The following SALL4 variants were observed in gnomAD, a reference collection of about 807,000 sequenced individuals.
SALL4 encodes sal-like protein 4.
Under a neutral mutation model 60.8 loss-of-function variants are expected in SALL4, and 4 were observed. The observed-to-expected ratio is 0.07, with a 90% CI of 0.03 to 0.15. SALL4 has a LOEUF of 0.15. SALL4 is among the 10% of genes least tolerant of loss of function. The pLI, the probability that SALL4 is intolerant of heterozygous loss-of-function variation, is 1.00. For synonymous variants in SALL4, 580 were observed against 574.9 expected, an observed-to-expected ratio of 1.01 and a Z score of -0.13; for missense variants, 1,178 against 1,394.7, an observed-to-expected ratio of 0.84 and a Z score of 2.48.
chr20:51,784,857 C>A (rs2077981108), intron 3 of SALL4, among the ~76,000 whole-genome samples, 173 bp from the exon 4 acceptor site: 1 of 152,184 alleles, frequency 6.6e-6, no homozygotes, highest in Non-Finnish European at 1.5e-5. Context: ...AGAAAATATT[C>A]TTAGTCTAAA....
rs963754230 is a variant in SALL4, at chr20:51,799,672, G to A, written c.130+2607C>T. Among the ~76,000 whole-genome samples, 13 of 152,320 alleles carry A rather than the reference G, an allele frequency of 8.5e-5. No individual in the cohort carries two copies. The East Asian group carries it at 2.1e-3, about 25-fold the overall frequency. Reference sequence around the variant, plus strand: ...TTCTAAGCCAGCGTAGGTCATTTTGGTGAGTAATTGGAAATAGGAAGTTAT... The same window carrying A: ...TTCTAAGCCAGCGTAGGTCATTTTGATGAGTAATTGGAAATAGGAAGTTAT... On this transcript the variant is annotated intron_variant, in intron 1 of 3. Transcript: ENST00000217086.
intron 3 of SALL4, among the ~76,000 whole-genome samples, chr20:51,786,858 G>T (rs2077996128): frequency 6.6e-6 from 1 of 152,072 alleles, no homozygotes; most frequent in Non-Finnish European, 1.5e-5. Context: ...ACTTTGGGAG[G>T]CTGAGGCAGG....
chr20:51,791,563 G>A lies in SALL4; in HGVS notation c.920C>T (p.Ser307Phe). The change falls in exon 2 of 4, where the codon TCC becomes TTC. Residue 307 changes from serine (S) to phenylalanine (F), a missense_variant. By Grantham distance (155) the Ser-to-Phe change is radical. Around this residue, in one of 5 missense-constraint regions of SALL4, gnomAD observed 853 missense variants for 1,036.8 expected, o/e 0.82. Coordinates refer to ENST00000217086, the MANE Select transcript of SALL4 (RefSeq NM_020436.5). The surrounding 1 kb of genome is among the most constrained non-coding windows in gnomAD (Gnocchi z 4.6). Reference sequence around the variant, plus strand: ...CAGAGTGAAGGGTGCCAGCCCTGGGGACAGGGAGCTGGTGGCAGAAGGGAT... The same window carrying A: ...CAGAGTGAAGGGTGCCAGCCCTGGGAACAGGGAGCTGGTGGCAGAAGGGAT... ...ANIPSATSSL[S>F]PGLAPFTLKP... The A allele has an allele frequency of 6.2e-7, 1 of 1,613,724 alleles. No individual in the cohort carries two copies. Among genetic ancestry groups the A allele is most frequent in the Non-Finnish European group, 8.5e-7 (1 of 1,180,048 alleles).
Position 51,790,785 on chromosome 20 carries a change from G to T in SALL4, c.1698C>A (p.Asn566Lys). ...ENIDKATTDP[N>K]ECLICHRVLS... Reference sequence around the variant, plus strand: ...AGACTCGGTGGCAAATGAGACATTCGTTGGGATCAGTGGTGGCCTTGTCAA... The same window carrying T: ...AGACTCGGTGGCAAATGAGACATTCTTTGGGATCAGTGGTGGCCTTGTCAA... The change falls in exon 2 of 4, where the codon AAC becomes AAA. Residue 566 changes from asparagine to lysine, a missense_variant. Asn to Lys is a moderately conservative substitution (Grantham distance 94). Transcript: ENST00000217086. The surrounding 1 kb of genome is among the most constrained non-coding windows in gnomAD (Gnocchi z 5.5). 6.2e-7 allele frequency: 1 copy of T among 1,614,120 alleles called. No homozygotes were observed. The highest frequency in any genetic ancestry group is 8.5e-7 in the Non-Finnish European group (1 of 1,180,034).
intron 3 of SALL4, among the ~76,000 whole-genome samples, chr20:51,787,798 C>T (rs538806653): frequency 2.0e-5 from 3 of 152,016 alleles, no homozygotes; most frequent in South Asian, 2.1e-4. Flanking sequence ...TGAGCCACTG[C>T]GTCCGGCCCT....
intron 1 of SALL4, among the ~76,000 whole-genome samples, chr20:51,794,178 G>A (rs566329604): frequency 2.0e-5 from 3 of 152,216 alleles, no homozygotes; most frequent in African/African-American, 7.2e-5. Context: ...TGCAAAGCAG[G>A]GGTTGGGGAC....
At chr20:51,796,344 A>G (rs1325681551) in intron 1 of SALL4, among the ~76,000 whole-genome samples, 1 of 152,164 alleles carries the variant, frequency 6.6e-6, no homozygotes, top group Non-Finnish European at 1.5e-5. Context: ...GAACAAAAAC[A>G]TACTTCATAC....
Position 51,792,167 on chromosome 20 carries a change from T to C in SALL4, c.316A>G (p.Ser106Gly). 1 of 1,614,232 alleles carries C rather than the reference T, an allele frequency of 6.2e-7. No homozygotes were observed. Among genetic ancestry groups the C allele is most frequent in the South Asian group, 1.1e-5 (1 of 91,086 alleles). Reference sequence around the variant, plus strand: ...TCTTCTGAAGGCACAGGCCCCTCGCTGTCATTCATGATGAGGACAGGTGGA... The same window carrying C: ...TCTTCTGAAGGCACAGGCCCCTCGCCGTCATTCATGATGAGGACAGGTGGA... ...KNPPVLIMND[S>G]EGPVPSEDFS... The change falls in exon 2 of 4, where the codon AGC becomes GGC. Residue 106 changes from serine to glycine, a missense_variant. Coordinates refer to ENST00000217086, the MANE Select transcript of SALL4 (RefSeq NM_020436.5).
At chr20:51,787,269 C>T (rs6067937) in intron 3 of SALL4, among the ~76,000 whole-genome samples, 10,807 of 151,816 alleles carry the variant, frequency 0.071, 557 homozygotes, top group African/African-American at 0.14. Context: ...TAAAAATATA[C>T]AAAAATTAGC....
rs1273742269 is a variant in SALL4, at chr20:51,802,466, T to C, written c.-58A>G. 8.1e-6 allele frequency: 13 copies of C among 1,610,576 alleles called. No homozygotes were observed. In the East Asian group the frequency reaches 2.9e-4, roughly 36 times the overall value. ...GTTATTTGCCCTCTCCGCCACAAAT[T>C]CCTGGAGTTGGGAAATTTACCCCCC... On this transcript the variant is annotated 5_prime_UTR_variant, in exon 1 of 4. Transcript: ENST00000217086.
intron 3 of SALL4, 108 bp from the exon 4 acceptor site, chr20:51,784,792 T>C: frequency 2.4e-6 from 3 of 1,266,448 alleles, no homozygotes; most frequent in Middle Eastern, 2.1e-4. Context: ...TGTTTTAACA[T>C]ATAGATGATC....
At chr20:51,794,589 TGAAAA>T (rs2078069124) in intron 1 of SALL4, among the ~76,000 whole-genome samples, 1 of 152,052 alleles carries the variant, frequency 6.6e-6, no homozygotes, top group Non-Finnish European at 1.5e-5. Flanking sequence ...AATAAAGATG[TGAAAA>T]ACAGAGACTC....
rs2078023982 is a variant in SALL4, at chr20:51,790,106, T to C, written c.2377A>G (p.Ser793Gly). ...TTTGACTTGATGCTTTCGGCTTGAC[T>C]ATTGGCCGGGGAGAGTGCCTGGAAG... The part of the protein sequence containing the change: ...TSFQALSPAN[S>G]QAESIKSKSP... Residue 793 changes from serine (S) to glycine (G), a missense_variant, in exon 2 of 4, where the codon AGT becomes GGT. Around this residue, in one of 5 missense-constraint regions of SALL4, gnomAD observed 853 missense variants for 1,036.8 expected, o/e 0.82. Coordinates refer to ENST00000217086, the MANE Select transcript of SALL4 (RefSeq NM_020436.5). The surrounding 1 kb of genome is among the most constrained non-coding windows in gnomAD (Gnocchi z 5.5). 1 of 1,614,088 alleles carries C rather than the reference T, an allele frequency of 6.2e-7. No homozygotes were observed. Among genetic ancestry groups the C allele is most frequent in the Admixed American group, 1.7e-5 (1 of 59,998 alleles).
In SALL4 at chr20:51,783,818, C is replaced by T. The variant is rs1188251017; in HGVS notation, c.*447G>A. On this transcript the variant is annotated 3_prime_UTR_variant, in exon 4 of 4. Coordinates refer to ENST00000217086, the MANE Select transcript of SALL4 (RefSeq NM_020436.5). Reference sequence around the variant, plus strand: ...CGGGTGGATCACGAGGTCAGCAGTTCGAGACCAGCCTGACCAACATGGTGA... The same window carrying T: ...CGGGTGGATCACGAGGTCAGCAGTTTGAGACCAGCCTGACCAACATGGTGA... 2.2e-5 allele frequency: 4 copies of T among 183,996 alleles called. No homozygotes were observed. The highest frequency in any genetic ancestry group is 4.6e-5 in the Non-Finnish European group (4 of 87,452). 11.4% of individuals were successfully genotyped at this position (183,996 alleles called of 1,614,324 possible). A position where few individuals can be genotyped will look rare whatever the true frequency, so the allele number is the denominator to read the frequency against.
chr20:51,792,401 G>C (rs760053086), intron 1 of SALL4, 49 bp from the exon 2 acceptor site: 43 of 1,593,048 alleles, frequency 2.7e-5, no homozygotes, highest in Admixed American at 6.7e-5. Context: ...TAAAAGATGT[G>C]GGGGGAGCCG....
At position 51,793,018 on chromosome 20, in the gene SALL4, A is replaced by G. The variant is rs985832879; in HGVS notation, c.131-666T>C. Reference sequence around the variant, plus strand: ...CACAAGACATTCACACGAGCATACAATGATCTAGGTTTTCTTGTTTTTTCA... The same window carrying G: ...CACAAGACATTCACACGAGCATACAGTGATCTAGGTTTTCTTGTTTTTTCA... On this transcript the variant is annotated intron_variant, in intron 1 of 3. Transcript: ENST00000217086. The G allele has an allele frequency of 4.1e-6, 4 of 977,046 alleles. No individual in the cohort carries two copies. In the African/African-American group the frequency reaches 7.0e-5, roughly 17 times the overall value. 60.5% of individuals were successfully genotyped at this position (977,046 alleles called of 1,614,324 possible).
intron 2 of SALL4, among the ~76,000 whole-genome samples, 154 bp from the exon 3 acceptor site, chr20:51,789,295 T>A (rs1428535103): frequency 6.6e-6 from 1 of 152,018 alleles, no homozygotes; most frequent in Non-Finnish European, 1.5e-5. Flanking sequence ...TTGAATTGTT[T>A]ATCTGCACAA....
intron 1 of SALL4, among the ~76,000 whole-genome samples, chr20:51,795,343 G>C (rs1288251850): frequency 6.6e-6 from 1 of 152,132 alleles, no homozygotes. Context: ...GGAGGCAGAG[G>C]TTGCAGTGAG....
At position 51,790,353 on chromosome 20, in the gene SALL4, C is replaced by T. The variant is rs61737143; in HGVS notation, c.2130G>A (p.Thr710=). ...EAPSSSSKVP[T]PLPSIHSASP... ...ATGCCGAGTGGATGCTGGGAAGAGG[C>T]GTGGGGACCTTGGAGGAGCTGCTGG... The change falls in exon 2 of 4, where the codon ACG becomes ACA. Residue 710 remains threonine, a synonymous_variant. Coordinates refer to ENST00000217086, the MANE Select transcript of SALL4 (RefSeq NM_020436.5). The surrounding 1 kb of genome is among the most constrained non-coding windows in gnomAD (Gnocchi z 5.5). The T allele has an allele frequency of 3.1e-3, 4,973 of 1,614,048 alleles. 148 individuals carry two copies. In the African/African-American group the frequency reaches 0.057, roughly 19 times the overall value.
Sources: gnomAD v4.1 joint callset for allele counts (sites outside exome capture counted in the v4.1 genomes callset) on GRCh38, gnomAD v4.1.1 for gene constraint, gnomAD v4.1.1 regional missense constraint, Gnocchi (gnomAD v3.1) non-coding constraint, MANE v1.5 for transcripts, NCBI Gene and HGNC (gene_info 2026-07-23, HGNC 2026-07-21) for gene names.